Variants in CEP128 observed in about 807,000 individuals in gnomAD.
The protein encoded by CEP128 is centrosomal protein 128.
CEP128 carries 132 observed loss-of-function variants against 156.7 expected under a neutral mutation model. The observed-to-expected ratio is 0.84, with a 90% CI of 0.73 to 0.97. The LOEUF (loss-of-function observed/expected upper bound fraction) is 0.97, where lower values mean the gene tolerates loss of function less well. CEP128 is among the 50% of genes least tolerant of loss of function. The pLI is 0.00. For synonymous variants in CEP128, 469 were observed against 448.9 expected, an observed-to-expected ratio of 1.04 and a Z score of -0.57; for missense variants, 1,252 against 1,281.9, an observed-to-expected ratio of 0.98 and a Z score of 0.36.
rs760480059 is a variant in CEP128, at chr14:80,777,766, C to A, written c.2376+116G>T. On this transcript the variant is annotated intron_variant, in intron 16 of 24. Transcript: ENST00000555265. ...ATAAACTGACTTTTTTGGGGGGCAC[C>A]AATACAACTTCCCTGTGAAGGACTA... 11 of 777,492 alleles carry A rather than the reference C, an allele frequency of 1.4e-5. No individual in the cohort carries two copies. The African/African-American group carries it at 1.6e-4, about 11-fold the overall frequency. 48.2% of individuals were successfully genotyped at this position (777,492 alleles called of 1,614,324 possible).
At chr14:80,766,502 T>C (rs977467324) in intron 16 of CEP128, among the ~76,000 whole-genome samples, 5 of 152,116 alleles carry the variant, frequency 3.3e-5, no homozygotes, top group Admixed American at 2.6e-4. Flanking sequence ...TTATCAGAAA[T>C]ATAAAAGCTT....
intron 20 of CEP128, among the ~76,000 whole-genome samples, chr14:80,571,160 AC>A (rs1891124207): frequency 6.6e-6 from 1 of 152,158 alleles, no homozygotes; most frequent in African/African-American, 2.4e-5. Context: ...GCTAAATGAC[AC>A]CTATATTGTG....
intron 2 of CEP128, among the ~76,000 whole-genome samples, chr14:80,931,070 C>A (rs781203129): frequency 1.3e-5 from 2 of 152,150 alleles, no homozygotes; most frequent in Non-Finnish European, 2.9e-5. Flanking sequence ...TCAATGTTGA[C>A]GATAAGGCAA....
intron 21 of CEP128, among the ~76,000 whole-genome samples, chr14:80,539,907 C>G (rs1028967612): frequency 6.6e-6 from 1 of 152,146 alleles, no homozygotes; most frequent in Non-Finnish European, 1.5e-5. Flanking sequence ...GAGATACGCC[C>G]TGGTCTCCTG....
At chr14:80,848,211 A>G (rs1417930048) in intron 9 of CEP128, among the ~76,000 whole-genome samples, 1 of 150,776 alleles carries the variant, frequency 6.6e-6, no homozygotes, top group Non-Finnish European at 1.5e-5. Context: ...AGTTCTGAAC[A>G]TGAGCGCACA....
chr14:80,817,082 C>CA (rs1170407420), intron 13 of CEP128, among the ~76,000 whole-genome samples: 1 of 151,846 alleles, frequency 6.6e-6, no homozygotes, highest in Non-Finnish European at 1.5e-5. Flanking sequence ...ACTAGACAAT[C>CA]AAAGAGAACC....
chr14:80,502,380 T>G (rs1457707713), intron 24 of CEP128, among the ~76,000 whole-genome samples: 1 of 152,168 alleles, frequency 6.6e-6, no homozygotes. Flanking sequence ...GCAGTGGGTG[T>G]TTGTTGGGTG....
chr14:80,533,317 A>T (rs553184673), intron 21 of CEP128, among the ~76,000 whole-genome samples: 1 of 152,310 alleles, frequency 6.6e-6, no homozygotes, highest in East Asian at 1.9e-4. Flanking sequence ...CTGTAGTATT[A>T]AAACTTTATT....
intron 19 of CEP128, among the ~76,000 whole-genome samples, chr14:80,633,224 C>A (rs1306925806): frequency 1.7e-5 from 2 of 116,234 alleles, no homozygotes; most frequent in Non-Finnish European, 3.9e-5. Context: ...TTAGACCCTG[C>A]CTAGAAACAA....
chr14:80,511,547 C>CT (rs1275328149), intron 23 of CEP128, among the ~76,000 whole-genome samples: 17 of 151,824 alleles, frequency 1.1e-4, no homozygotes, highest in Middle Eastern at 3.2e-3. Flanking sequence ...AAAAAAACAA[C>CT]TTTTTGTTTA....
intron 18 of CEP128, among the ~76,000 whole-genome samples, chr14:80,754,829 T>C (rs769265612): frequency 1.3e-5 from 2 of 152,122 alleles, no homozygotes; most frequent in Non-Finnish European, 2.9e-5. Context: ...CTCAGTAAAT[T>C]CCATTAAGCT....
chr14:80,664,119 C>T (rs1050319893), intron 19 of CEP128, among the ~76,000 whole-genome samples: 4 of 152,198 alleles, frequency 2.6e-5, no homozygotes, highest in Admixed American at 2.6e-4. Context: ...TGCGGTTCAG[C>T]CTAGAATATG....
At chr14:80,617,121 G>A (rs1408032063) in intron 19 of CEP128, among the ~76,000 whole-genome samples, 1 of 148,840 alleles carries the variant, frequency 6.7e-6, no homozygotes, top group Non-Finnish European at 1.5e-5. Context: ...AACCAGCCCA[G>A]TTGCCATATA....
At chr14:80,722,136 A>G (rs1297402980) in intron 19 of CEP128, among the ~76,000 whole-genome samples, 1 of 152,204 alleles carries the variant, frequency 6.6e-6, no homozygotes, top group Non-Finnish European at 1.5e-5. Context: ...GAGCATGGAC[A>G]CTAATATCCA....
intron 19 of CEP128, among the ~76,000 whole-genome samples, chr14:80,620,681 A>T (rs1024885657): frequency 1.3e-5 from 2 of 152,194 alleles, no homozygotes; most frequent in Non-Finnish European, 2.9e-5. Context: ...CAAGACAGAG[A>T]GTTTACCACT....
At chr14:80,771,984 T>C (rs1384080080) in intron 16 of CEP128, among the ~76,000 whole-genome samples, 1 of 152,232 alleles carries the variant, frequency 6.6e-6, no homozygotes, top group Non-Finnish European at 1.5e-5. Context: ...GCTGACCTTC[T>C]GTTTAAGATT....
intron 2 of CEP128, among the ~76,000 whole-genome samples, chr14:80,919,320 T>C (rs1884726183): frequency 1.3e-5 from 2 of 152,180 alleles, no homozygotes; most frequent in Admixed American, 6.5e-5. Flanking sequence ...AATTTGGGGA[T>C]GATATTTAAG....
downstream of CEP128, among the ~76,000 whole-genome samples, chr14:80,491,824 C>T (rs1052253714): frequency 6.6e-6 from 1 of 152,166 alleles, no homozygotes; most frequent in African/African-American, 2.4e-5. Context: ...TTTCCAGGAC[C>T]CTGCATCACA....
At chr14:80,760,616 G>A (rs1488258423) in intron 17 of CEP128, among the ~76,000 whole-genome samples, 1 of 151,936 alleles carries the variant, frequency 6.6e-6, no homozygotes, top group East Asian at 1.9e-4. Flanking sequence ...GTAAACAGAG[G>A]GGTAAATGAT....
Sources: gnomAD v4.1 joint callset for allele counts (sites outside exome capture counted in the v4.1 genomes callset) on GRCh38, gnomAD v4.1.1 for gene constraint, MANE v1.5 for transcripts, NCBI Gene and HGNC (gene_info 2026-07-23, HGNC 2026-07-21) for gene names.